Variants in GSTO2 observed in about 807,000 individuals in gnomAD.
The protein encoded by GSTO2 is glutathione S-transferase omega-2.
In GSTO2, 23 loss-of-function variants were observed where a neutral mutation model predicts 28.4. The observed-to-expected ratio is 0.81, with a 90% CI of 0.58 to 1.15. The LOEUF is 1.15. GSTO2 is among the 50% of genes most tolerant of loss of function. GSTO2 has a pLI of 0.00. For synonymous variants in GSTO2, 109 were observed against 111.0 expected (o/e 0.98, Z 0.11); for missense variants, 298 against 297.8 (o/e 1.00, Z 0.00).
In GSTO2 at chr10:104,274,816, G is replaced by T; in HGVS notation, c.-100G>T. On this transcript the variant is annotated 5_prime_UTR_variant, in exon 2 of 7. Transcript: ENST00000338595. The stretch of plus-strand genomic sequence containing the variant: ...AAAAATTAAATTTGGGGCAAGGGGT[G>T]CGCGCCAGAGCGCAGCTGTTTCTGG... The T allele has an allele frequency of 7.0e-7, 1 of 1,420,824 alleles. No homozygotes were observed. Among genetic ancestry groups the T allele is most frequent in the East Asian group, 2.5e-5 (1 of 40,510 alleles). 88.0% of individuals were successfully genotyped at this position (1,420,824 alleles called of 1,614,324 possible). A position where few individuals can be genotyped will look rare whatever the true frequency, so the allele number is the denominator to read the frequency against.
intron 5 of GSTO2, chr10:104,295,351 C>T (rs988368333): frequency 3.9e-5 from 6 of 152,206 alleles, no homozygotes; most frequent in African/African-American, 1.4e-4. Flanking sequence ...GGACAATGAT[C>T]AGGGGGACTT....
chr10:104,283,391 CAAG>C (rs1157762448), intron 5 of GSTO2, among the ~76,000 whole-genome samples: 1 of 152,130 alleles, frequency 6.6e-6, no homozygotes, highest in Non-Finnish European at 1.5e-5. Flanking sequence ...TTTGGGAGGC[CAAG>C]GAGGGAGGAT....
At chr10:104,280,130 C>T (rs1017776155) in intron 5 of GSTO2, among the ~76,000 whole-genome samples, 4 of 134,480 alleles carry the variant, frequency 3.0e-5, no homozygotes, top group Admixed American at 1.7e-4. Context: ...TGCACCACTG[C>T]ACTCTAGCCT....
intron 5 of GSTO2, among the ~76,000 whole-genome samples, chr10:104,286,812 T>C (rs1250013287): frequency 6.6e-6 from 1 of 152,094 alleles, no homozygotes; most frequent in Non-Finnish European, 1.5e-5. Context: ...TAATTATTCT[T>C]ATTATTTAAA....
intron 5 of GSTO2, among the ~76,000 whole-genome samples, chr10:104,294,229 C>T (rs1056761831): frequency 1.3e-5 from 2 of 152,194 alleles, no homozygotes; most frequent in Non-Finnish European, 2.9e-5. Context: ...TTTTACACTA[C>T]ACTTCTAATC....
At chr10:104,296,155 C>T (rs1009680259) in intron 5 of GSTO2, 4 of 152,218 alleles carry the variant, frequency 2.6e-5, no homozygotes, top group East Asian at 1.9e-4. Context: ...TCTTTGGCTG[C>T]CTGTCTGTTG....
chr10:104,282,695 T>C (rs573133256), intron 5 of GSTO2, among the ~76,000 whole-genome samples: 25 of 151,888 alleles, frequency 1.6e-4, no homozygotes, highest in Non-Finnish European at 3.2e-4. Context: ...ATTAGAGAGA[T>C]TTTGAGGAAC....
At chr10:104,287,956 C>G (rs993449058) in intron 5 of GSTO2, among the ~76,000 whole-genome samples, 1 of 145,054 alleles carries the variant, frequency 6.9e-6, no homozygotes, top group Non-Finnish European at 1.5e-5. Context: ...GGTGCTATCT[C>G]GGCTCACTGC....
chr10:104,279,323 G>A, intron 4 of GSTO2, 47 bp from the exon 5 acceptor site: 2 of 1,506,382 alleles, frequency 1.3e-6, no homozygotes, highest in Non-Finnish European at 1.8e-6. Flanking sequence ...ACAGGAACTG[G>A]AAGTTTCCAC....
At chr10:104,279,018 C>G (rs1048104629) in intron 4 of GSTO2, among the ~76,000 whole-genome samples, 4 of 152,092 alleles carry the variant, frequency 2.6e-5, no homozygotes, top group African/African-American at 4.8e-5. Context: ...ATCCAACTGC[C>G]CTTTGAAGTG....
intron 5 of GSTO2, among the ~76,000 whole-genome samples, chr10:104,293,567 T>TTTTTTTTTTTTTTTG (rs2012883353): frequency 7.3e-6 from 1 of 136,604 alleles, no homozygotes; most frequent in Non-Finnish European, 1.6e-5. Context: ...TGGCCAATTT[T>TTTTTTTTTTTTTTTG]TTTTTTTTTT....
At chr10:104,275,800 G>C (rs2011605192) in intron 3 of GSTO2, among the ~76,000 whole-genome samples, 1 of 152,190 alleles carries the variant, frequency 6.6e-6, no homozygotes, top group South Asian at 2.1e-4. Context: ...CTCGAGGGTA[G>C]GAACTCTGTC....
At chr10:104,293,574 T>TTTTTTTTTTTTTTTTTTTTTTA (rs2012884197) in intron 5 of GSTO2, among the ~76,000 whole-genome samples, 1 of 140,358 alleles carries the variant, frequency 7.1e-6, no homozygotes, top group Non-Finnish European at 1.5e-5. Context: ...TTTTTTTTTT[T>TTTTTTTTTTTTTTTTTTTTTTA]TTTTTTTTTT....
Position 104,284,616 on chromosome 10 carries a change from A to G in GSTO2, c.468+5145A>G, listed in dbSNP as rs78789036. Among the ~76,000 whole-genome samples, 234 of 152,300 alleles carry G rather than the reference A, an allele frequency of 1.5e-3. 2 individuals are homozygous for G. Among genetic ancestry groups the G allele is most frequent in the African/African-American group, 5.4e-3 (226 of 41,568 alleles). Reference sequence around the variant, plus strand: ...CCCTTACTGAATCATTACTCTAAGCAGCACACATTTTTTAGTTTTATTCTT... The same window carrying G: ...CCCTTACTGAATCATTACTCTAAGCGGCACACATTTTTTAGTTTTATTCTT... On this transcript the variant is annotated intron_variant, in intron 5 of 6. Coordinates refer to ENST00000338595, the MANE Select transcript of GSTO2 (RefSeq NM_183239.2).
In GSTO2 at chr10:104,304,259, T is replaced by C. The variant is rs2013339006; in HGVS notation, c.*4975T>C. 6.6e-6 allele frequency: 1 copy of C among 152,268 alleles called. No individual in the cohort carries two copies. 9.4% of individuals were successfully genotyped at this position (152,268 alleles called of 1,614,324 possible). On this transcript the variant is annotated 3_prime_UTR_variant, in exon 7 of 7. Transcript: ENST00000338595. ...CCTGGAAGGCTGAACATTTGATCTT[T>C]TCAAACATTTTTCTCTCATCTGGCC...
rs1201845274 is a variant in GSTO2 at position 104,304,199 on chromosome 10, G to T, written c.*4915G>T. ...ACACACCAAACACTGTGCCCACCTG[G>T]GAGACCCATTTTCATTTATCTTCTT... On this transcript the variant is annotated 3_prime_UTR_variant, in exon 7 of 7. Transcript: ENST00000338595. 1 of 152,228 alleles carries T rather than the reference G, an allele frequency of 6.6e-6. No individual in the cohort carries two copies. Among genetic ancestry groups the T allele is most frequent in the Non-Finnish European group, 1.5e-5 (1 of 68,080 alleles). 9.4% of individuals were successfully genotyped at this position (152,228 alleles called of 1,614,324 possible). A position where few individuals can be genotyped will look rare whatever the true frequency, so the allele number is the denominator to read the frequency against.
At position 104,269,253 on chromosome 10, in the gene GSTO2, C is replaced by G. The variant is rs1010406465; in HGVS notation, c.-248C>G. The G allele has an allele frequency of 1.3e-5, 2 of 152,370 alleles. No homozygotes were observed. The highest frequency in any genetic ancestry group is 4.8e-5 in the African/African-American group (2 of 41,438). The allele number at this position is 152,370 out of a possible 1,614,324, so 9.4% of individuals were successfully genotyped here. A position where few individuals can be genotyped will look rare whatever the true frequency, so the allele number is the denominator to read the frequency against. On this transcript the variant is annotated 5_prime_UTR_variant, in exon 1 of 7. Coordinates refer to ENST00000338595, the MANE Select transcript of GSTO2 (RefSeq NM_183239.2). Reference sequence around the variant, plus strand: ...AGTTCCCGGAGGTCTCTCGCGGGACCTCTCTCACCGCCACCGGTGGGTCCG... The same window carrying G: ...AGTTCCCGGAGGTCTCTCGCGGGACGTCTCTCACCGCCACCGGTGGGTCCG...
chr10:104,273,659 T>C (rs939185719), intron 1 of GSTO2, among the ~76,000 whole-genome samples: 1 of 152,266 alleles, frequency 6.6e-6, no homozygotes, highest in African/African-American at 2.4e-5. Flanking sequence ...TATCTTTTCC[T>C]GGACTTAAAA....
Position 104,300,737 on chromosome 10 carries a change from C to T in GSTO2, c.*1453C>T, listed in dbSNP as rs1383903875. On this transcript the variant is annotated 3_prime_UTR_variant, in exon 7 of 7. Coordinates refer to ENST00000338595, the MANE Select transcript of GSTO2 (RefSeq NM_183239.2). ...TCATGCTGGATCCTTTCCCATCCTCCTAGCTGTGCTGAGACACCAGGCAGC... is the reference window on the plus strand; with the variant it reads ...TCATGCTGGATCCTTTCCCATCCTCTTAGCTGTGCTGAGACACCAGGCAGC... 1 of 152,300 alleles carries T rather than the reference C, an allele frequency of 6.6e-6. No individual in the cohort carries two copies. The highest frequency in any genetic ancestry group is 1.9e-4 in the East Asian group (1 of 5,198). The allele number at this position is 152,300 out of a possible 1,614,324, so 9.4% of individuals were successfully genotyped here. A position where few individuals can be genotyped will look rare whatever the true frequency, so the allele number is the denominator to read the frequency against.
Sources: gnomAD v4.1 joint callset for allele counts (sites outside exome capture counted in the v4.1 genomes callset) on GRCh38, gnomAD v4.1.1 for gene constraint, MANE v1.5 for transcripts, NCBI Gene and HGNC (gene_info 2026-07-23, HGNC 2026-07-21) for gene names.